The following FCHSD2 variants were observed in gnomAD, a reference collection of about 807,000 sequenced individuals.
FCHSD2 encodes the protein FCH and double SH3 domains 2, also known as F-BAR and double SH3 domains protein 2.
In FCHSD2, 38 loss-of-function variants were observed where a neutral mutation model predicts 108.1. The observed-to-expected ratio is 0.35, with a 90% CI of 0.27 to 0.46. The LOEUF (loss-of-function observed/expected upper bound fraction) is 0.46. Among genes scored for constraint, FCHSD2 ranks in the 20% least tolerant of loss-of-function variants. The probability of loss-of-function intolerance (pLI) is 1.00; values close to 1 mark genes in which losing one functional copy is unlikely to be tolerated. For synonymous variants in FCHSD2, 279 were observed against 314.7 expected, an observed-to-expected ratio of 0.89 and a Z score of 1.20; for missense variants, 751 against 897.8, an observed-to-expected ratio of 0.84 and a Z score of 2.09.
At chr11:72,923,060 C>T (rs1206436899) in intron 8 of FCHSD2, among the ~76,000 whole-genome samples, 2 of 152,106 alleles carry the variant, frequency 1.3e-5, no homozygotes, top group East Asian at 1.9e-4. Context: ...ACTTTTGGTG[C>T]CTGGCTTCTG....
In FCHSD2 at chr11:73,141,977, G is replaced by A. The variant is rs1190600793; in HGVS notation, c.-100C>T. 4.5e-5 allele frequency: 55 copies of A among 1,220,570 alleles called. No homozygotes were observed. Among genetic ancestry groups the A allele is most frequent in the Non-Finnish European group, 6.0e-5 (53 of 876,076 alleles). 75.6% of individuals were successfully genotyped at this position (1,220,570 alleles called of 1,614,324 possible). A position where few individuals can be genotyped will look rare whatever the true frequency, so the allele number is the denominator to read the frequency against. ...AGGGGACGGCCCAGCGAGCGCGCGC[G>A]TGTGTGAAAGGAGCGCTTAAGAAGC... On this transcript the variant is annotated 5_prime_UTR_variant, in exon 1 of 20. The change creates a new upstream start codon in the 5' untranslated region. Transcript: ENST00000409418.
intron 3 of FCHSD2, among the ~76,000 whole-genome samples, chr11:73,083,317 A>G (rs1400049444): frequency 1.3e-5 from 2 of 152,186 alleles, no homozygotes; most frequent in Non-Finnish European, 2.9e-5. Context: ...TTGGGAGGCC[A>G]AGGCGGACGG....
At chr11:73,021,772 G>A (rs1449254427) in intron 3 of FCHSD2, among the ~76,000 whole-genome samples, 5 of 152,022 alleles carry the variant, frequency 3.3e-5, no homozygotes, top group African/African-American at 9.7e-5. Flanking sequence ...AGAAGAATAC[G>A]TCCTTAACCT....
intron 3 of FCHSD2, among the ~76,000 whole-genome samples, chr11:73,023,308 C>G (rs1261423210): frequency 6.6e-6 from 1 of 151,826 alleles, no homozygotes; most frequent in Admixed American, 6.6e-5. Flanking sequence ...TAAAGGAAGT[C>G]CAAATATATA....
chr11:73,097,886 T>C (rs779069268), intron 2 of FCHSD2, among the ~76,000 whole-genome samples: 1 of 152,144 alleles, frequency 6.6e-6, no homozygotes, highest in Non-Finnish European at 1.5e-5. Flanking sequence ...GTTATCCCAG[T>C]TGGGCTTAAA....
intron 2 of FCHSD2, among the ~76,000 whole-genome samples, chr11:73,086,294 A>C (rs999270750): frequency 1.3e-5 from 2 of 152,198 alleles, no homozygotes; most frequent in African/African-American, 2.4e-5. Flanking sequence ...CTGTGGTCCC[A>C]GCTACTCGGG....
intron 5 of FCHSD2, among the ~76,000 whole-genome samples, chr11:72,997,842 A>G (rs1857549442): frequency 1.3e-5 from 2 of 152,158 alleles, no homozygotes; most frequent in Non-Finnish European, 2.9e-5. Flanking sequence ...CTGGGACTGC[A>G]GGCATGAACC....
chr11:72,990,556 TC>T (rs1024496446), intron 5 of FCHSD2, among the ~76,000 whole-genome samples: 1 of 152,106 alleles, frequency 6.6e-6, no homozygotes, highest in African/African-American at 2.4e-5. Context: ...AGAAACTCAC[TC>T]AAAACCACTC....
At chr11:72,918,479 A>G (rs990168090) in intron 9 of FCHSD2, among the ~76,000 whole-genome samples, 8 of 151,986 alleles carry the variant, frequency 5.3e-5, no homozygotes, top group African/African-American at 1.5e-4. Flanking sequence ...GCAGAGGAAG[A>G]TTTCAGTCTT....
Position 72,868,036 on chromosome 11 carries a change from C to T in FCHSD2, c.1147-10G>A. 6.5e-7 allele frequency: 1 copy of T among 1,548,164 alleles called. No individual in the cohort carries two copies. The highest frequency in any genetic ancestry group is 8.7e-7 in the Non-Finnish European group (1 of 1,145,050). On this transcript the variant is annotated splice_polypyrimidine_tract_variant and intron_variant, in intron 12 of 19. Coordinates refer to ENST00000409418, the MANE Select transcript of FCHSD2 (RefSeq NM_014824.3). ...CTTTCAATTTAATTATCTAGAGAAC[C>T]AAGAAAATGGTCGGAAATCAAGGCT...
At chr11:72,926,997 T>A (rs1422163766) in intron 8 of FCHSD2, among the ~76,000 whole-genome samples, 1 of 152,222 alleles carries the variant, frequency 6.6e-6, no homozygotes, top group Non-Finnish European at 1.5e-5. Context: ...CAACAGGGAT[T>A]TGAACCACTC....
At chr11:72,974,329 T>C (rs1376893114) in intron 8 of FCHSD2, among the ~76,000 whole-genome samples, 3 of 152,222 alleles carry the variant, frequency 2.0e-5, no homozygotes, top group African/African-American at 7.2e-5. Context: ...AACCCACTCC[T>C]GTAATAAATA....
chr11:72,838,234 G>A lies in FCHSD2; in HGVS notation c.*557C>T, dbSNP rs1276836865. ...TAATGCAATTGGTGCTAAATTCAGG[G>A]CAGTCCAATTTTTCCCAATAAGGTT... On this transcript the variant is annotated 3_prime_UTR_variant, in exon 20 of 20. Transcript: ENST00000409418. 2 of 153,398 alleles carry A rather than the reference G, an allele frequency of 1.3e-5. No individual in the cohort carries two copies. Among genetic ancestry groups the A allele is most frequent in the African/African-American group, 4.8e-5 (2 of 41,460 alleles). 9.5% of individuals were successfully genotyped at this position (153,398 alleles called of 1,614,324 possible). A position where few individuals can be genotyped will look rare whatever the true frequency, so the allele number is the denominator to read the frequency against.
At chr11:72,902,398 A>G (rs1216066218) in intron 10 of FCHSD2, 145 bp downstream of exon 10, 14 of 498,246 alleles carry the variant, frequency 2.8e-5, no homozygotes, top group Non-Finnish European at 4.6e-5. Flanking sequence ...AAAAAAAGTC[A>G]TAATTATTCT....
At chr11:73,003,743 C>T (rs1486742840) in intron 4 of FCHSD2, among the ~76,000 whole-genome samples, 1 of 151,514 alleles carries the variant, frequency 6.6e-6, no homozygotes, top group Non-Finnish European at 1.5e-5. Flanking sequence ...GCCTCGGCCT[C>T]CCAAAGTGCT....
chr11:72,867,669 AAAAC>A (rs1281071684), intron 13 of FCHSD2, among the ~76,000 whole-genome samples, 192 bp downstream of exon 13: 1 of 152,240 alleles, frequency 6.6e-6, no homozygotes, highest in African/African-American at 2.4e-5. Context: ...TACATTAAAA[AAAAC>A]ACTCATTTTT....
At chr11:72,875,025 A>G (rs1202250491) in intron 12 of FCHSD2, among the ~76,000 whole-genome samples, 1 of 152,230 alleles carries the variant, frequency 6.6e-6, no homozygotes, top group East Asian at 1.9e-4. Context: ...TCAATTACCT[A>G]GATTTTAACA....
chr11:72,842,534 C>T lies in FCHSD2; in HGVS notation c.1926+87G>A, dbSNP rs553093577. On this transcript the variant is annotated intron_variant, in intron 17 of 19. Transcript: ENST00000409418. ...ACCGGTGAGGGTAAGGCAGAGACTG[C>T]AGCCCACTTTTGTGTGGATCCACAG... The T allele has an allele frequency of 1.0e-5, 16 of 1,529,690 alleles. No individual in the cohort carries two copies. The Admixed American group carries it at 2.5e-4, about 24-fold the overall frequency. 94.8% of individuals were successfully genotyped at this position (1,529,690 alleles called of 1,614,324 possible).
At chr11:73,116,004 C>T (rs1286281471) in intron 2 of FCHSD2, among the ~76,000 whole-genome samples, 1 of 152,210 alleles carries the variant, frequency 6.6e-6, no homozygotes, top group Non-Finnish European at 1.5e-5. Flanking sequence ...GTGTTATCCA[C>T]GAGTTTAATG....
Sources: gnomAD v4.1 joint callset for allele counts (sites outside exome capture counted in the v4.1 genomes callset) on GRCh38, gnomAD v4.1.1 for gene constraint, MANE v1.5 for transcripts, NCBI Gene and HGNC (gene_info 2026-07-23, HGNC 2026-07-21) for gene names.